KCNH5: variants seen among roughly 807,000 people sequenced by gnomAD.
KCNH5 encodes the protein voltage-gated delayed rectifier potassium channel KCNH5.
In KCNH5, 46 loss-of-function variants were observed where a neutral mutation model predicts 96.1. That is an observed-to-expected ratio of 0.48 (90% confidence interval 0.38 to 0.61). The LOEUF (loss-of-function observed/expected upper bound fraction) is 0.61, where lower values mean the gene tolerates loss of function less well. Ranked by LOEUF, KCNH5 falls within the 20% of genes least tolerant of loss-of-function variation. The pLI is 0.00. For synonymous variants in KCNH5, 439 were observed against 449.8 expected, an observed-to-expected ratio of 0.98 and a Z score of 0.30; for missense variants, 907 against 1,225.8, an observed-to-expected ratio of 0.74 and a Z score of 3.88.
At chr14:63,031,876 C>A (rs556446113) in intron 1 of KCNH5, among the ~76,000 whole-genome samples, 1 of 151,884 alleles carries the variant, frequency 6.6e-6, no homozygotes, top group Admixed American at 6.6e-5. Context: ...TATATATATA[C>A]AATTTTTAAG....
chr14:62,740,105 A>C (rs1885240076), intron 10 of KCNH5, among the ~76,000 whole-genome samples: 2 of 152,152 alleles, frequency 1.3e-5, no homozygotes, highest in Non-Finnish European at 2.9e-5. Context: ...TGGTTAAACC[A>C]ACAGAAGAAA....
chr14:62,912,923 AAAC>A (rs1889198645), intron 7 of KCNH5, among the ~76,000 whole-genome samples: 1 of 152,224 alleles, frequency 6.6e-6, no homozygotes, highest in South Asian at 2.1e-4. Flanking sequence ...ACTTAAGGCT[AAAC>A]CCCTGCTGGG....
chr14:62,924,612 AT>A (rs1889438759), intron 7 of KCNH5, among the ~76,000 whole-genome samples: 1 of 151,908 alleles, frequency 6.6e-6, no homozygotes, highest in African/African-American at 2.4e-5. Context: ...ATGTCTATAT[AT>A]TTTTAAGTAT....
chr14:63,002,482 C>A, intron 3 of KCNH5, among the ~76,000 whole-genome samples: 1 of 152,114 alleles, frequency 6.6e-6, no homozygotes, highest in East Asian at 1.9e-4. Flanking sequence ...TAAAGCCCCT[C>A]CAAATATTCT....
chr14:62,809,911 A>C (rs1255720076), intron 8 of KCNH5, among the ~76,000 whole-genome samples: 2 of 152,130 alleles, frequency 1.3e-5, no homozygotes, highest in Non-Finnish European at 2.9e-5. Context: ...TAGAAGAAAC[A>C]AGAGGGATGG....
intron 6 of KCNH5, among the ~76,000 whole-genome samples, chr14:62,954,985 G>A (rs961229339): frequency 2.0e-5 from 3 of 151,798 alleles, no homozygotes; most frequent in Non-Finnish European, 2.9e-5. Context: ...AATTATGGAA[G>A]CTACAATTTA....
chr14:62,882,100 T>TAAAAAAAAAAA (rs143123435), intron 7 of KCNH5, among the ~76,000 whole-genome samples: 1 of 76,658 alleles, frequency 1.3e-5, no homozygotes, highest in African/African-American at 5.9e-5. Context: ...CCCCATTTCT[T>TAAAAAAAAAAA]AAAAAAAAAA....
chr14:62,790,100 C>T (rs1886401825), intron 9 of KCNH5, among the ~76,000 whole-genome samples: 2 of 148,366 alleles, frequency 1.3e-5, no homozygotes, highest in African/African-American at 4.9e-5. Flanking sequence ...AAATAAGGTC[C>T]TAATTTTATC....
chr14:62,745,993 G>C (rs1023766064), intron 10 of KCNH5, among the ~76,000 whole-genome samples: 1 of 152,154 alleles, frequency 6.6e-6, no homozygotes, highest in Non-Finnish European at 1.5e-5. Context: ...GCGGGTTTCT[G>C]AGCACCACAA....
At position 62,707,304 on chromosome 14, in the gene KCNH5, C is replaced by T. The variant is rs1048470534; in HGVS notation, c.*204G>A. The stretch of plus-strand genomic sequence containing the variant: ...TGTAAAGTGTGCATGCAGTCAACTG[C>T]ATAATATACAAGCAATATCTATGTT... On this transcript the variant is annotated 3_prime_UTR_variant, in exon 11 of 11. Transcript: ENST00000322893. The T allele has an allele frequency of 3.2e-6, 1 of 312,702 alleles. No homozygotes were observed. Among genetic ancestry groups the T allele is most frequent in the African/African-American group, 2.1e-5 (1 of 46,742 alleles). 19.4% of individuals were successfully genotyped at this position (312,702 alleles called of 1,614,324 possible).
intron 10 of KCNH5, among the ~76,000 whole-genome samples, chr14:62,716,019 C>T (rs867185793): frequency 9.9e-5 from 15 of 152,046 alleles, no homozygotes; most frequent in African/African-American, 1.4e-4. Context: ...TTTTCTTTAC[C>T]ATGTAAAAGA....
intron 6 of KCNH5, 36 bp downstream of exon 6, chr14:62,980,835 AC>A: frequency 1.3e-6 from 2 of 1,594,718 alleles, no homozygotes; most frequent in Non-Finnish European, 1.7e-6. Context: ...AAAATATATG[AC>A]CCACAGTACT....
chr14:62,993,044 A>G (rs1890840957), intron 4 of KCNH5, among the ~76,000 whole-genome samples: 1 of 152,056 alleles, frequency 6.6e-6, no homozygotes, highest in African/African-American at 2.4e-5. Flanking sequence ...CAATCCAATT[A>G]TCCCAGCACC....
intron 7 of KCNH5, among the ~76,000 whole-genome samples, chr14:62,852,595 T>G (rs1490597546): frequency 6.5e-5 from 2 of 30,718 alleles, no homozygotes; most frequent in Non-Finnish European, 1.0e-4. Flanking sequence ...ACTAGAGAGC[T>G]TTTTTTTTTT....
intron 1 of KCNH5, among the ~76,000 whole-genome samples, chr14:63,028,278 G>C (rs1891562231): frequency 6.6e-6 from 1 of 152,048 alleles, no homozygotes; most frequent in Non-Finnish European, 1.5e-5. Context: ...CAGCTCAGCA[G>C]GGTCCAGCTA....
chr14:62,963,165 C>G (rs1229641971), intron 6 of KCNH5, among the ~76,000 whole-genome samples: 1 of 152,010 alleles, frequency 6.6e-6, no homozygotes, highest in Non-Finnish European at 1.5e-5. Flanking sequence ...ATTCACATAA[C>G]TTTTATTACA....
chr14:62,947,081 A>ATAGT (rs1369447277), intron 7 of KCNH5, among the ~76,000 whole-genome samples: 1 of 152,202 alleles, frequency 6.6e-6, no homozygotes, highest in African/African-American at 2.4e-5. Flanking sequence ...ATACTGAGCT[A>ATAGT]TAGTTATATA....
chr14:62,910,786 C>A (rs1185855911), intron 7 of KCNH5, among the ~76,000 whole-genome samples: 14 of 152,008 alleles, frequency 9.2e-5, no homozygotes, highest in African/African-American at 3.4e-4. Context: ...GGTGTTCCCT[C>A]TGGAAAGCAG....
intron 4 of KCNH5, among the ~76,000 whole-genome samples, chr14:63,000,086 C>T (rs559990504): frequency 6.6e-6 from 1 of 152,206 alleles, no homozygotes. Context: ...AAAAATTATC[C>T]TCTCGCTATT....
Sources: gnomAD v4.1 joint callset for allele counts (sites outside exome capture counted in the v4.1 genomes callset) on GRCh38, gnomAD v4.1.1 for gene constraint, MANE v1.5 for transcripts, NCBI Gene and HGNC (gene_info 2026-07-23, HGNC 2026-07-21) for gene names.